GNAL: variants seen among roughly 807,000 people sequenced by gnomAD.
The protein encoded by GNAL is guanine nucleotide-binding protein G(olf) subunit alpha.
Under a neutral mutation model 55.1 loss-of-function variants are expected in GNAL, and 18 were observed. The observed-to-expected ratio is 0.33, with a 90% CI of 0.23 to 0.48. The LOEUF (loss-of-function observed/expected upper bound fraction) is 0.48. Among genes scored for constraint, GNAL ranks in the 20% least tolerant of loss-of-function variants. The pLI is 0.99. For missense variants in GNAL, 412 were observed against 614.1 expected (o/e 0.67, Z 3.48); for synonymous variants, 253 against 237.0 (o/e 1.07, Z -0.62).
At chr18:11,815,644 A>G (rs2034936489) in intron 4 of GNAL, among the ~76,000 whole-genome samples, 2 of 152,360 alleles carry the variant, frequency 1.3e-5, no homozygotes, top group Admixed American at 1.3e-4. Flanking sequence ...AGGCTAAGAT[A>G]CAGTTCCAAA....
At chr18:11,739,639 C>T (rs2032533900) in intron 1 of GNAL, among the ~76,000 whole-genome samples, 1 of 144,666 alleles carries the variant, frequency 6.9e-6, no homozygotes, top group Admixed American at 6.9e-5. Context: ...GGTCCCTTTC[C>T]TTTTTTTTTT....
At chr18:11,873,855 G>T (rs191281327) in intron 10 of GNAL, among the ~76,000 whole-genome samples, 4 of 152,150 alleles carry the variant, frequency 2.6e-5, no homozygotes, top group African/African-American at 4.8e-5. Flanking sequence ...CGGCCGGGGG[G>T]TCCTTCCAAC....
intron 5 of GNAL, among the ~76,000 whole-genome samples, chr18:11,843,144 C>G (rs1435479967): frequency 6.6e-6 from 1 of 151,556 alleles, no homozygotes; most frequent in Non-Finnish European, 1.5e-5. Flanking sequence ...CTACATTGGA[C>G]TATGATTGTG....
At chr18:11,819,342 ATGT>A (rs1421313380) in intron 4 of GNAL, among the ~76,000 whole-genome samples, 7 of 152,202 alleles carry the variant, frequency 4.6e-5, no homozygotes, top group Non-Finnish European at 1.0e-4. Context: ...CAGAAGGAAA[ATGT>A]TGTCAATATG....
chr18:11,719,190 G>A (rs1264176427), intron 1 of GNAL, among the ~76,000 whole-genome samples: 1 of 151,948 alleles, frequency 6.6e-6, no homozygotes, highest in Admixed American at 6.6e-5. Flanking sequence ...AAACTGTTGT[G>A]TCTGAATTCT....
chr18:11,852,158 A>T, intron 5 of GNAL: 2 of 1,514,448 alleles, frequency 1.3e-6, no homozygotes, highest in Non-Finnish European at 1.8e-6. Flanking sequence ...ACCCTTTGAA[A>T]TGCTCTCTGT....
chr18:11,876,746 A>G (rs2036541235), intron 11 of GNAL, 58 bp downstream of exon 11: 1 of 927,744 alleles, frequency 1.1e-6, no homozygotes, highest in Non-Finnish European at 1.8e-6. Flanking sequence ...TTTGTTTCTT[A>G]CAATATGCAA....
chr18:11,876,532 G>T, intron 10 of GNAL, 89 bp from the exon 11 acceptor site: 1 of 822,328 alleles, frequency 1.2e-6, no homozygotes, highest in South Asian at 1.4e-5. Flanking sequence ...ATATACAGCA[G>T]TCTAACGTTG....
At chr18:11,738,215 C>G (rs2032498861) in intron 1 of GNAL, among the ~76,000 whole-genome samples, 1 of 152,242 alleles carries the variant, frequency 6.6e-6, no homozygotes, top group South Asian at 2.1e-4. Flanking sequence ...CTGCACCACC[C>G]ACCCCAAAAG....
chr18:11,878,677 C>T (rs1339248445), intron 11 of GNAL, among the ~76,000 whole-genome samples: 1 of 152,086 alleles, frequency 6.6e-6, no homozygotes, highest in Admixed American at 6.5e-5. Flanking sequence ...TCAAGCAACC[C>T]TCCTGCCTCA....
chr18:11,864,852 CT>C (rs925464591), intron 7 of GNAL, among the ~76,000 whole-genome samples: 16 of 151,898 alleles, frequency 1.1e-4, no homozygotes, highest in Admixed American at 2.0e-4. Context: ...TTGATTGGCC[CT>C]TTTTTTTAGA....
intron 1 of GNAL, among the ~76,000 whole-genome samples, chr18:11,699,521 A>T (rs2031507408): frequency 6.6e-6 from 1 of 151,740 alleles, no homozygotes; most frequent in African/African-American, 2.4e-5. Flanking sequence ...AGCTGGGTCT[A>T]AATTTATTAA....
chr18:11,742,104 C>T (rs2032589123), intron 1 of GNAL, among the ~76,000 whole-genome samples: 1 of 152,184 alleles, frequency 6.6e-6, no homozygotes, highest in African/African-American at 2.4e-5. Flanking sequence ...CCCATTCGCC[C>T]ATCACATGTG....
chr18:11,880,125 C>CGG (rs1567908517), intron 11 of GNAL, among the ~76,000 whole-genome samples: 24 of 149,972 alleles, frequency 1.6e-4, no homozygotes, highest in Non-Finnish European at 3.0e-4. Flanking sequence ...GGCGTGGTGG[C>CGG]GCACGCCTGT....
intron 4 of GNAL, among the ~76,000 whole-genome samples, chr18:11,801,816 TC>T (rs970829417): frequency 4.6e-5 from 7 of 152,000 alleles, no homozygotes; most frequent in Admixed American, 3.9e-4. Context: ...AAACCTGCCT[TC>T]CCCTGTGGTC....
chr18:11,721,322 T>G (rs147200292), intron 1 of GNAL, among the ~76,000 whole-genome samples: 1 of 152,358 alleles, frequency 6.6e-6, no homozygotes, highest in African/African-American at 2.4e-5. Flanking sequence ...AAACCTTACA[T>G]TTAACAAGCT....
Position 11,751,310 on chromosome 18 carries a change from C to G in GNAL, c.377-1543C>G, listed in dbSNP as rs375124675. 6.6e-6 allele frequency among the ~76,000 whole-genome samples: 1 copy of G among 152,182 alleles called. No homozygotes were observed. The highest frequency in any genetic ancestry group is 1.9e-4 in the East Asian group (1 of 5,182). ...GGTCTCAGTAACGGAGGGCAGGTGC[C>G]AGTCTCGCGCCCTAGTTCGTTCCTC... On this transcript the variant is annotated intron_variant, in intron 1 of 11. Transcript: ENST00000334049. This position sits in a 1 kb window ranked among gnomAD's most constrained non-coding sequence, Gnocchi z 4.5.
chr18:11,846,001 C>T (rs1294624582), intron 5 of GNAL, among the ~76,000 whole-genome samples: 3 of 152,086 alleles, frequency 2.0e-5, no homozygotes, highest in Non-Finnish European at 4.4e-5. Context: ...GAGTGGCCCT[C>T]TCTGGTGATC....
chr18:11,864,014 C>T (rs2036205018), intron 6 of GNAL, among the ~76,000 whole-genome samples: 1 of 151,558 alleles, frequency 6.6e-6, no homozygotes, highest in Non-Finnish European at 1.5e-5. Context: ...GTTATCAGGT[C>T]TCTTGGGGCC....
Sources: allele counts gnomAD v4.1 joint callset (sites outside exome capture counted in the v4.1 genomes callset), GRCh38; gene constraint gnomAD v4.1.1; non-coding constraint Gnocchi (gnomAD v3.1); transcripts MANE v1.5; gene names NCBI Gene and HGNC (gene_info 2026-07-23, HGNC 2026-07-21).